The following MAP7 variants were observed in gnomAD, a reference collection of about 807,000 sequenced individuals.
MAP7 encodes the protein microtubule associated protein 7.
MAP7 carries 52 observed loss-of-function variants against 94.8 expected under a neutral mutation model. The observed-to-expected ratio is 0.55, with a 90% CI of 0.44 to 0.69. The LOEUF (loss-of-function observed/expected upper bound fraction) is 0.69, where lower values mean the gene tolerates loss of function less well. Ranked by LOEUF, MAP7 falls within the 30% of genes least tolerant of loss-of-function variation. The pLI is 0.00. For synonymous variants in MAP7, 350 were observed against 357.0 expected, an observed-to-expected ratio of 0.98 and a Z score of 0.22; for missense variants, 940 against 964.6, an observed-to-expected ratio of 0.97 and a Z score of 0.34.
chr6:136,499,275 C>T (rs1819176577), intron 1 of MAP7, among the ~76,000 whole-genome samples: 1 of 152,038 alleles, frequency 6.6e-6, no homozygotes, highest in African/African-American at 2.4e-5. Flanking sequence ...GGCTCTGTGA[C>T]TTTTTCACTT....
chr6:136,530,656 G>T (rs1043493928), intron 1 of MAP7, among the ~76,000 whole-genome samples: 2 of 140,586 alleles, frequency 1.4e-5, no homozygotes, highest in Admixed American at 6.9e-5. Flanking sequence ...CTTTTGTGAC[G>T]ATAAAGGCAC....
chr6:136,526,124 A>G (rs992292284), intron 1 of MAP7: 190 of 1,342,128 alleles, frequency 1.4e-4, no homozygotes, highest in Non-Finnish European at 1.7e-4. Context: ...AACAGCTGAC[A>G]GATAGTACCA....
intron 1 of MAP7, among the ~76,000 whole-genome samples, chr6:136,426,176 T>G (rs1005766743): frequency 3.3e-5 from 5 of 152,196 alleles, no homozygotes; most frequent in Non-Finnish European, 4.4e-5. Flanking sequence ...CTAGGGAATA[T>G]CTGCTCATGT....
intron 16 of MAP7, among the ~76,000 whole-genome samples, chr6:136,353,309 A>G (rs1159216394): frequency 2.0e-5 from 3 of 152,214 alleles, no homozygotes. Context: ...AGGGCTAATG[A>G]CATGAACCAG....
intron 2 of MAP7, among the ~76,000 whole-genome samples, chr6:136,412,742 A>G (rs1787895087): frequency 6.6e-6 from 1 of 152,176 alleles, no homozygotes; most frequent in South Asian, 2.1e-4. Context: ...GGTGGAGAAG[A>G]GGGGTTCTGC....
intron 1 of MAP7, among the ~76,000 whole-genome samples, chr6:136,535,511 C>T (rs768308219): frequency 1.8e-4 from 28 of 152,104 alleles, no homozygotes; most frequent in Non-Finnish European, 3.4e-4. Context: ...AGTTCTGAAA[C>T]CAACCTAGAG....
intron 1 of MAP7, among the ~76,000 whole-genome samples, chr6:136,462,316 T>C (rs886295054): frequency 6.6e-6 from 1 of 152,202 alleles, no homozygotes; most frequent in African/African-American, 2.4e-5. Flanking sequence ...TCTTAGACTA[T>C]AAATGGTAAA....
In MAP7 at chr6:136,400,188, G is replaced by C. The variant is rs888015240; in HGVS notation, c.245-10671C>G. Reference sequence around the variant, plus strand: ...TCCCAGCACTTTGGGAGGCTGAGGCGGGCAGATCACGAGGTCAGGAGATCG... The same window carrying C: ...TCCCAGCACTTTGGGAGGCTGAGGCCGGCAGATCACGAGGTCAGGAGATCG... On this transcript the variant is annotated intron_variant, in intron 3 of 17. Transcript: ENST00000354570. Among the ~76,000 whole-genome samples, 3 of 152,118 alleles carry C rather than the reference G, an allele frequency of 2.0e-5. No individual in the cohort carries two copies. The South Asian group carries it at 6.2e-4, about 32-fold the overall frequency.
In MAP7 at chr6:136,496,170, C is replaced by T. The variant is rs1274048259; in HGVS notation, c.67+54172G>A. ...GGGGCAAAGGGAAATTAACTATTTGCAAAAAAATTTAGGTATTTTCCCCCA... is the reference window on the plus strand; with the variant it reads ...GGGGCAAAGGGAAATTAACTATTTGTAAAAAAATTTAGGTATTTTCCCCCA... On this transcript the variant is annotated intron_variant, in intron 1 of 17. Coordinates refer to ENST00000354570, the MANE Select transcript of MAP7 (RefSeq NM_003980.6). Among the ~76,000 whole-genome samples the T allele has an allele frequency of 2.0e-5, 3 of 152,094 alleles. No homozygotes were observed. In the South Asian group the frequency reaches 6.2e-4, roughly 31 times the overall value.
chr6:136,514,107 A>G (rs1824057139), intron 1 of MAP7, among the ~76,000 whole-genome samples: 1 of 152,200 alleles, frequency 6.6e-6, no homozygotes. Context: ...GGCATCTGCA[A>G]TGGTGAATCC....
At chr6:136,530,100 G>T (rs1227952305) in intron 1 of MAP7, among the ~76,000 whole-genome samples, 2 of 152,138 alleles carry the variant, frequency 1.3e-5, no homozygotes. Flanking sequence ...CTCCATGAAT[G>T]AATCCAAGAA....
At chr6:136,412,019 A>T (rs1377998392) in intron 2 of MAP7, among the ~76,000 whole-genome samples, 1 of 152,222 alleles carries the variant, frequency 6.6e-6, no homozygotes, top group Admixed American at 6.5e-5. Context: ...TATGCTTTAA[A>T]AAGTCTGTTC....
chr6:136,525,776 G>A (rs1827644194), intron 1 of MAP7: 1 of 1,503,024 alleles, frequency 6.7e-7, no homozygotes. Context: ...TCTATAGGCA[G>A]TGTGGGAGAC....
chr6:136,346,516 G>A (rs1461697795), intron 16 of MAP7, among the ~76,000 whole-genome samples: 1 of 152,176 alleles, frequency 6.6e-6, no homozygotes, highest in Non-Finnish European at 1.5e-5. Context: ...GAGCTATGAT[G>A]GCACCACTGC....
intron 8 of MAP7, 120 bp downstream of exon 8, chr6:136,372,381 G>T: frequency 8.8e-7 from 1 of 1,142,666 alleles, no homozygotes; most frequent in Non-Finnish European, 1.2e-6. Context: ...GGAAAGATGG[G>T]ATGGTGGATG....
At chr6:136,514,405 C>T (rs11751485) in intron 1 of MAP7, among the ~76,000 whole-genome samples, 3 of 151,662 alleles carry the variant, frequency 2.0e-5, no homozygotes, top group Admixed American at 6.6e-5. Context: ...GCCAACATGG[C>T]GAAACCCTGT....
intron 1 of MAP7, among the ~76,000 whole-genome samples, chr6:136,464,648 C>T (rs902217176): frequency 9.9e-5 from 15 of 152,206 alleles, no homozygotes; most frequent in African/African-American, 3.4e-4. Flanking sequence ...TGTTCCACTG[C>T]AGTGAGACTC....
chr6:136,377,676 A>T lies in MAP7; in HGVS notation c.751+79T>A. 4.6e-6 allele frequency: 5 copies of T among 1,085,034 alleles called. No individual in the cohort carries two copies. In the South Asian group the frequency reaches 6.4e-5, roughly 14 times the overall value. 67.2% of individuals were successfully genotyped at this position (1,085,034 alleles called of 1,614,324 possible). ...GAAGAGAGAAGCGCATTTTAGGAAAAAGTGAGATGTGATTAGACGAATATG... is the reference window on the plus strand; with the variant it reads ...GAAGAGAGAAGCGCATTTTAGGAAATAGTGAGATGTGATTAGACGAATATG... On this transcript the variant is annotated intron_variant, in intron 7 of 17. Coordinates refer to ENST00000354570, the MANE Select transcript of MAP7 (RefSeq NM_003980.6).
intron 1 of MAP7, among the ~76,000 whole-genome samples, chr6:136,467,783 G>C (rs979302071): frequency 6.6e-6 from 1 of 152,122 alleles, no homozygotes; most frequent in Non-Finnish European, 1.5e-5. Flanking sequence ...AGAACACTTT[G>C]ATTACAACCA....
Sources: gnomAD v4.1 joint callset for allele counts (sites outside exome capture counted in the v4.1 genomes callset) on GRCh38, gnomAD v4.1.1 for gene constraint, MANE v1.5 for transcripts, NCBI Gene and HGNC (gene_info 2026-07-23, HGNC 2026-07-21) for gene names.